Variants in TAFA4 observed in about 807,000 individuals in gnomAD.
The protein encoded by TAFA4 is TAFA chemokine like family member 4.
Under a neutral mutation model 21.1 loss-of-function variants are expected in TAFA4, and 20 were observed. The ratio of observed to expected loss-of-function variants is 0.95; its 90% CI spans 0.67 to 1.38. TAFA4 has a LOEUF of 1.38. Among genes scored for constraint, TAFA4 ranks in the 40% most tolerant of loss-of-function variants. The pLI, the probability that TAFA4 is intolerant of heterozygous loss-of-function variation, is 0.00. For synonymous variants in TAFA4, 71 were observed against 67.4 expected (o/e 1.05, Z -0.26); for missense variants, 211 against 180.9 (o/e 1.17, Z -0.95).
In TAFA4 at chr3:68,739,057, C is replaced by T; in HGVS notation, c.411+18G>A. Reference sequence around the variant, plus strand: ...GTTGATAACTTGTAAATTGTAGTTGCATTTTGTCTATACTTGCCTTCGTAG... The same window carrying T: ...GTTGATAACTTGTAAATTGTAGTTGTATTTTGTCTATACTTGCCTTCGTAG... On this transcript the variant is annotated intron_variant, in intron 5 of 5. Transcript: ENST00000295569. The T allele has an allele frequency of 6.2e-7, 1 of 1,610,664 alleles. No homozygotes were observed. The highest frequency in any genetic ancestry group is 1.3e-5 in the African/African-American group (1 of 74,876).
chr3:68,754,566 A>G (rs1702623042), intron 3 of TAFA4, among the ~76,000 whole-genome samples: 2 of 152,330 alleles, frequency 1.3e-5, no homozygotes, highest in East Asian at 1.9e-4. Flanking sequence ...TCATCCCATT[A>G]TCAGTGCTAC....
At chr3:68,931,730 C>G (rs538188388) in intron 1 of TAFA4, among the ~76,000 whole-genome samples, 8 of 147,944 alleles carry the variant, frequency 5.4e-5, no homozygotes, top group African/African-American at 2.0e-4. Flanking sequence ...GCGCTCGCTG[C>G]GCCCTTCAAG....
intron 3 of TAFA4, among the ~76,000 whole-genome samples, chr3:68,789,708 G>T (rs946551840): frequency 1.3e-5 from 2 of 152,044 alleles, no homozygotes; most frequent in Non-Finnish European, 2.9e-5. Context: ...TTTCTGATTC[G>T]TTCACTGCCA....
chr3:68,759,234 A>G (rs1421640526), intron 3 of TAFA4, among the ~76,000 whole-genome samples: 5 of 152,178 alleles, frequency 3.3e-5, no homozygotes, highest in East Asian at 1.9e-4. Context: ...GCCCACCTAC[A>G]TTTGAAAGGG....
rs1002910586 is a variant in TAFA4 at position 68,819,277 on chromosome 3, A to T, written c.130+61453T>A. Among the ~76,000 whole-genome samples, 96 of 60,042 alleles carry T rather than the reference A, an allele frequency of 1.6e-3. No individual in the cohort carries two copies. The East Asian group carries it at 0.16, about 100-fold the overall frequency. The allele number at this position is 60,042 out of a possible 152,430, so 39.4% of individuals were successfully genotyped here. A position where few individuals can be genotyped will look rare whatever the true frequency, so the allele number is the denominator to read the frequency against. Reference sequence around the variant, plus strand: ...AGAGTGAGACCCTGTCTTTAATTAAAAAAAAAAAAAAAAAAAAAAAAAGCA... The same window carrying T: ...AGAGTGAGACCCTGTCTTTAATTAATAAAAAAAAAAAAAAAAAAAAAAGCA... On this transcript the variant is annotated intron_variant, in intron 3 of 5. Coordinates refer to ENST00000295569, the MANE Select transcript of TAFA4 (RefSeq NM_182522.5).
chr3:68,823,914 T>G (rs148480162), intron 3 of TAFA4, among the ~76,000 whole-genome samples: 311 of 152,332 alleles, frequency 2.0e-3, no homozygotes, highest in African/African-American at 7.0e-3. Flanking sequence ...GTATTTAATA[T>G]CTGATCATTT....
chr3:68,769,082 T>C (rs1458170162), intron 3 of TAFA4, among the ~76,000 whole-genome samples: 1 of 152,232 alleles, frequency 6.6e-6, no homozygotes, highest in Non-Finnish European at 1.5e-5. Flanking sequence ...TGTTAGGAAC[T>C]GGGCTGCACA....
intron 3 of TAFA4, among the ~76,000 whole-genome samples, chr3:68,801,671 A>G (rs1703581888): frequency 6.6e-6 from 1 of 152,218 alleles, no homozygotes; most frequent in Non-Finnish European, 1.5e-5. Context: ...TAAAAGACCG[A>G]ACAGTAAATA....
intron 3 of TAFA4, among the ~76,000 whole-genome samples, chr3:68,753,978 G>A (rs1473300479): frequency 6.6e-6 from 1 of 152,166 alleles, no homozygotes; most frequent in Non-Finnish European, 1.5e-5. Context: ...GGCTAAATGT[G>A]TGGTACTTTG....
intron 3 of TAFA4, among the ~76,000 whole-genome samples, chr3:68,851,838 C>T (rs1704957821): frequency 6.6e-6 from 1 of 152,034 alleles, no homozygotes; most frequent in South Asian, 2.1e-4. Context: ...GATGGTGGCA[C>T]CAGCAATGTA....
intron 1 of TAFA4, among the ~76,000 whole-genome samples, chr3:68,885,888 A>T (rs2089667950): frequency 6.6e-6 from 1 of 152,216 alleles, no homozygotes; most frequent in Non-Finnish European, 1.5e-5. Flanking sequence ...ACTGTAGTTG[A>T]CATTCCCTCA....
chr3:68,868,042 G>C (rs548685616), intron 3 of TAFA4, among the ~76,000 whole-genome samples: 14 of 152,066 alleles, frequency 9.2e-5, no homozygotes, highest in African/African-American at 3.4e-4. Flanking sequence ...CCAACTAAAA[G>C]ACATAGAGTG....
intron 3 of TAFA4, among the ~76,000 whole-genome samples, chr3:68,836,497 G>A (rs1704526022): frequency 6.6e-6 from 1 of 152,118 alleles, no homozygotes; most frequent in African/African-American, 2.4e-5. Context: ...CTGTATCATT[G>A]GTTATATTAC....
intron 4 of TAFA4, among the ~76,000 whole-genome samples, chr3:68,748,120 A>C (rs1702492998): frequency 6.6e-6 from 1 of 152,226 alleles, no homozygotes; most frequent in African/African-American, 2.4e-5. Context: ...GTAAACTCTG[A>C]GTTCCTTGAA....
At chr3:68,780,737 A>G (rs1380606426) in intron 3 of TAFA4, among the ~76,000 whole-genome samples, 1 of 152,206 alleles carries the variant, frequency 6.6e-6, no homozygotes, top group Non-Finnish European at 1.5e-5. Flanking sequence ...AAACAGACTA[A>G]TACAGAGACC....
chr3:68,815,814 G>A (rs765151359), intron 3 of TAFA4, among the ~76,000 whole-genome samples: 4 of 152,174 alleles, frequency 2.6e-5, no homozygotes, highest in Non-Finnish European at 4.4e-5. Context: ...CCATTACTGG[G>A]TATATACCCA....
intron 3 of TAFA4, among the ~76,000 whole-genome samples, chr3:68,863,330 A>G (rs1035305228): frequency 4.6e-5 from 7 of 152,162 alleles, no homozygotes; most frequent in Admixed American, 6.5e-5. Context: ...GATTTCAAAA[A>G]TGCATAAATG....
At chr3:68,877,285 G>A (rs2089560641) in intron 3 of TAFA4, among the ~76,000 whole-genome samples, 1 of 152,096 alleles carries the variant, frequency 6.6e-6, no homozygotes, top group Non-Finnish European at 1.5e-5. Flanking sequence ...CTTGAACCTG[G>A]GAGGCAGAGG....
intron 3 of TAFA4, among the ~76,000 whole-genome samples, chr3:68,782,793 G>A (rs758578868): frequency 6.6e-6 from 1 of 152,064 alleles, no homozygotes; most frequent in Non-Finnish European, 1.5e-5. Flanking sequence ...TTCCCTTTGG[G>A]GTCATGAAGA....
Sources: allele counts gnomAD v4.1 joint callset (sites outside exome capture counted in the v4.1 genomes callset), GRCh38; gene constraint gnomAD v4.1.1; transcripts MANE v1.5; gene names NCBI Gene and HGNC (gene_info 2026-07-23, HGNC 2026-07-21).